The following RBFOX1 variants were observed in gnomAD, a reference collection of about 807,000 sequenced individuals.
RBFOX1 encodes the protein RNA binding protein fox-1 homolog 1.
Under a neutral mutation model 57.7 loss-of-function variants are expected in RBFOX1, and 8 were observed. That is an observed-to-expected ratio of 0.14 (90% CI 0.08 to 0.25). The LOEUF is 0.25. Ranked by LOEUF, RBFOX1 falls within the 10% of genes least tolerant of loss-of-function variation. The pLI, the probability that RBFOX1 is intolerant of heterozygous loss-of-function variation, is 1.00. For synonymous variants in RBFOX1, 326 were observed against 222.4 expected, an observed-to-expected ratio of 1.47 and a Z score of -4.15; for missense variants, 611 against 548.5, an observed-to-expected ratio of 1.11 and a Z score of -1.14.
At chr16:6,351,504 G>T (rs1567995710) in intron 2 of RBFOX1, among the ~76,000 whole-genome samples, 1 of 151,386 alleles carries the variant, frequency 6.6e-6, no homozygotes, top group Non-Finnish European at 1.5e-5. Context: ...CTCCCAAGCA[G>T]CTGGGACTAC....
intron 3 of RBFOX1, among the ~76,000 whole-genome samples, chr16:5,861,702 C>G (rs1025953675): frequency 6.6e-6 from 1 of 152,216 alleles, no homozygotes; most frequent in Non-Finnish European, 1.5e-5. Context: ...CTTTCATACA[C>G]AGGGCATTTG....
chr16:5,955,400 A>G (rs796832690), intron 4 of RBFOX1, among the ~76,000 whole-genome samples: 1 of 73,698 alleles, frequency 1.4e-5, no homozygotes, highest in Non-Finnish European at 3.0e-5. Context: ...ATAAAATAAA[A>G]TAAAATAAAA....
chr16:6,755,972 T>C (rs2075722325), intron 3 of RBFOX1, among the ~76,000 whole-genome samples: 1 of 152,148 alleles, frequency 6.6e-6, no homozygotes, highest in Non-Finnish European at 1.5e-5. Context: ...CAGTTTCAAA[T>C]TGCTAGCTGA....
At chr16:5,494,510 C>G (rs1395541853) in intron 2 of RBFOX1, among the ~76,000 whole-genome samples, 1 of 152,216 alleles carries the variant, frequency 6.6e-6, no homozygotes, top group African/African-American at 2.4e-5. Flanking sequence ...CTTTGAAAAG[C>G]TGAAGGCAGA....
At chr16:7,626,722 C>G (rs1211870999) in intron 10 of RBFOX1, among the ~76,000 whole-genome samples, 7 of 152,078 alleles carry the variant, frequency 4.6e-5, no homozygotes, top group Non-Finnish European at 1.0e-4. Flanking sequence ...TCTATTTGAA[C>G]TTCAGGCATG....
chr16:7,317,136 G>A (rs566624249), intron 4 of RBFOX1, among the ~76,000 whole-genome samples: 10 of 151,908 alleles, frequency 6.6e-5, no homozygotes, highest in Admixed American at 1.3e-4. Context: ...AAGTCACTGC[G>A]ATACTACTGG....
chr16:6,690,384 A>G (rs142302378), intron 3 of RBFOX1, among the ~76,000 whole-genome samples: 1 of 152,164 alleles, frequency 6.6e-6, no homozygotes, highest in Non-Finnish European at 1.5e-5. Flanking sequence ...ATTCGTGACA[A>G]AAATTCATAT....
At chr16:5,569,785 G>A (rs1221766942) in intron 2 of RBFOX1, among the ~76,000 whole-genome samples, 1 of 151,924 alleles carries the variant, frequency 6.6e-6, no homozygotes, top group Non-Finnish European at 1.5e-5. Context: ...ATCCTGCCGT[G>A]GGAATATGAC....
chr16:5,487,193 G>C (rs138352843), intron 2 of RBFOX1, among the ~76,000 whole-genome samples: 1 of 152,156 alleles, frequency 6.6e-6, no homozygotes, highest in Non-Finnish European at 1.5e-5. Context: ...ACCCATTATA[G>C]GTGTCACTAC....
chr16:5,879,562 T>A (rs956928851), intron 4 of RBFOX1, among the ~76,000 whole-genome samples: 3 of 152,200 alleles, frequency 2.0e-5, no homozygotes, highest in Admixed American at 6.5e-5. Context: ...ACTCCTGACC[T>A]CAGGTGATCT....
chr16:6,726,922 T>G (rs1273801429), intron 3 of RBFOX1, among the ~76,000 whole-genome samples: 3 of 152,000 alleles, frequency 2.0e-5, no homozygotes, highest in Non-Finnish European at 2.9e-5. Flanking sequence ...AAAGGACACT[T>G]TCAGGACACA....
intron 1 of RBFOX1, among the ~76,000 whole-genome samples, chr16:5,411,884 A>G (rs961606652): frequency 6.6e-6 from 1 of 152,160 alleles, no homozygotes; most frequent in African/African-American, 2.4e-5. Flanking sequence ...CCCTGTCTCA[A>G]AGGAAAAAAA....
At chr16:7,051,664 C>T (rs959240309) in intron 3 of RBFOX1, among the ~76,000 whole-genome samples, 3 of 152,164 alleles carry the variant, frequency 2.0e-5, no homozygotes, top group African/African-American at 7.2e-5. Flanking sequence ...TTTCCACTGA[C>T]TTATCATGAC....
intron 11 of RBFOX1, among the ~76,000 whole-genome samples, chr16:7,650,770 A>G (rs947625472): frequency 6.6e-6 from 1 of 152,060 alleles, no homozygotes; most frequent in African/African-American, 2.4e-5. Context: ...TGAATTTTTC[A>G]TTTTCTTTAT....
intron 4 of RBFOX1, among the ~76,000 whole-genome samples, chr16:5,942,589 T>C (rs2059304935): frequency 6.6e-6 from 1 of 152,228 alleles, no homozygotes; most frequent in Non-Finnish European, 1.5e-5. Flanking sequence ...CAAGTCCCTT[T>C]CATGATCCTA....
chr16:6,394,813 A>C (rs939131754), intron 2 of RBFOX1, among the ~76,000 whole-genome samples: 3 of 152,180 alleles, frequency 2.0e-5, no homozygotes, highest in Non-Finnish European at 4.4e-5. Flanking sequence ...ATGACCCCTA[A>C]GTCCTTGGTG....
At chr16:6,904,325 G>T (rs1288565004) in intron 3 of RBFOX1, among the ~76,000 whole-genome samples, 1 of 151,996 alleles carries the variant, frequency 6.6e-6, no homozygotes, top group Admixed American at 6.6e-5. Context: ...TTTAGGCCAG[G>T]TGGGCTGGCT....
chr16:5,626,313 A>G (rs1398605326), intron 3 of RBFOX1, among the ~76,000 whole-genome samples: 1 of 152,154 alleles, frequency 6.6e-6, no homozygotes, highest in Non-Finnish European at 1.5e-5. Flanking sequence ...CTTGTGGATG[A>G]CCGTCTTCTC....
intron 3 of RBFOX1, among the ~76,000 whole-genome samples, chr16:6,665,669 C>T (rs1422431447): frequency 6.7e-6 from 1 of 149,960 alleles, no homozygotes; most frequent in African/African-American, 2.5e-5. Flanking sequence ...CCTAATGAAA[C>T]CTTGACTGAT....
Sources: gnomAD v4.1 joint callset for allele counts (sites outside exome capture counted in the v4.1 genomes callset) on GRCh38, gnomAD v4.1.1 for gene constraint, MANE v1.5 for transcripts, NCBI Gene and HGNC (gene_info 2026-07-23, HGNC 2026-07-21) for gene names.